The following USP34 variants were observed in gnomAD, a reference collection of about 807,000 sequenced individuals.
USP34 encodes the protein ubiquitin specific peptidase 34.
Under a neutral mutation model 460.3 loss-of-function variants are expected in USP34, and 70 were observed. The observed-to-expected ratio is 0.15, with a 90% confidence interval of 0.13 to 0.19. USP34 has a LOEUF of 0.19. Among genes scored for constraint, USP34 ranks in the 10% least tolerant of loss-of-function variants. The pLI is 1.00. For missense variants in USP34, 3,985 were observed against 4,236.2 expected (o/e 0.94, Z 1.65); for synonymous variants, 1,647 against 1,405.3 (o/e 1.17, Z -3.85).
intron 1 of USP34, among the ~76,000 whole-genome samples, chr2:61,430,914 G>C (rs1345273787): frequency 6.6e-6 from 1 of 152,104 alleles, no homozygotes; most frequent in Non-Finnish European, 1.5e-5. Flanking sequence ...TGAGAAGAGA[G>C]GATCACTTGA....
At chr2:61,300,809 AAAAAAAAAATG>A (rs1279269267) in intron 29 of USP34, 131 bp downstream of exon 29, 5 of 443,524 alleles carry the variant, frequency 1.1e-5, no homozygotes, top group Non-Finnish European at 1.8e-5. Flanking sequence ...AAAAGAAAAC[AAAAAAAAAATG>A]AACAAAAAAA....
At position 61,227,110 on chromosome 2, in the gene USP34, T is replaced by C. The variant is rs1429145703; in HGVS notation, c.7552A>G (p.Ile2518Val). 2.0e-5 allele frequency: 32 copies of C among 1,613,552 alleles called. No individual in the cohort carries two copies. The highest frequency in any genetic ancestry group is 2.6e-5 in the Non-Finnish European group (31 of 1,179,926). ...TCAACCAAAAGAGCAACTAAAGCTA[T>C]CATCTTTTCAAGGGCAGCTGGCCTG... ...KYRPAALEKM[I>V]ALVALLVEQS... Residue 2518 changes from isoleucine (I) to valine (V), a missense_variant, in exon 62 of 80, where the codon ATA (isoleucine) becomes GTA (valine). Physicochemically the swap from Ile to Val is conservative, Grantham distance 29. Around this residue, in one of 14 missense-constraint regions of USP34, gnomAD observed 604 missense variants for 684.8 expected, o/e 0.88. Transcript: ENST00000398571.
At chr2:61,327,153 A>G (rs1691121563) in intron 20 of USP34, among the ~76,000 whole-genome samples, 1 of 152,142 alleles carries the variant, frequency 6.6e-6, no homozygotes, top group Non-Finnish European at 1.5e-5. Flanking sequence ...TCCCAAAATT[A>G]GCTTCCCAAA....
At chr2:61,304,813 T>C (rs773686712) in intron 27 of USP34, among the ~76,000 whole-genome samples, 4 of 152,242 alleles carry the variant, frequency 2.6e-5, no homozygotes, top group South Asian at 2.1e-4. Context: ...GATTTTATAA[T>C]ACATTGAGCT....
In USP34 at chr2:61,244,732, G is replaced by A. The variant is rs374831002; in HGVS notation, c.6627+478C>T. ...GCTGGTGTTATAAAAAGCACTGAAA[G>A]AACAATCCTTTAAAACTTAGCTCAA... On this transcript the variant is annotated intron_variant, in intron 51 of 79. Coordinates refer to ENST00000398571, the MANE Select transcript of USP34 (RefSeq NM_014709.4). 1.1e-3 allele frequency among the ~76,000 whole-genome samples: 172 copies of A among 151,980 alleles called. 7 individuals carry two copies. The South Asian group carries it at 0.033, about 30-fold the overall frequency.
At chr2:61,270,323 A>G (rs1269530096) in intron 41 of USP34, among the ~76,000 whole-genome samples, 1 of 152,254 alleles carries the variant, frequency 6.6e-6, no homozygotes, top group Admixed American at 6.5e-5. Context: ...TGAATCAAAA[A>G]GTAGGCCTTC....
intron 1 of USP34, among the ~76,000 whole-genome samples, chr2:61,434,680 C>T (rs1042866478): frequency 2.6e-5 from 4 of 151,988 alleles, no homozygotes; most frequent in Non-Finnish European, 5.9e-5. Flanking sequence ...TGTGTCCACA[C>T]AGAACCAAGG....
Position 61,348,282 on chromosome 2 carries a change from C to T in USP34, c.1873G>A (p.Glu625Lys), listed in dbSNP as rs1341320237. ...ADIEALKEED[E>K]DDDHGHNPPK... ...GGATTATGACCATGATCATCGTCTTCATCTTCCTCTTTGAGGGCTTCAATA... is the reference window on the plus strand; with the variant it reads ...GGATTATGACCATGATCATCGTCTTTATCTTCCTCTTTGAGGGCTTCAATA... The change falls in exon 15 of 80, where the codon GAA (glutamate) becomes AAA (lysine). Residue 625 changes from glutamate (E) to lysine (K), a missense_variant. Transcript: ENST00000398571. 1 of 1,614,110 alleles carries T rather than the reference C, an allele frequency of 6.2e-7. No individual in the cohort carries two copies. Among genetic ancestry groups the T allele is most frequent in the Non-Finnish European group, 8.5e-7 (1 of 1,180,050 alleles).
At chr2:61,203,042 A>G in intron 75 of USP34, 98 bp downstream of exon 75, 1 of 1,297,152 alleles carries the variant, frequency 7.7e-7, no homozygotes, top group African/African-American at 1.5e-5. Context: ...ACTTTAAAAA[A>G]AGAAAAAAAG....
intron 3 of USP34, among the ~76,000 whole-genome samples, chr2:61,405,239 A>T (rs1347065949): frequency 2.6e-5 from 2 of 76,794 alleles, no homozygotes; most frequent in East Asian, 7.8e-4. Flanking sequence ...TCTCAAAAAA[A>T]AAAAAAAAAA....
At chr2:61,415,137 G>C (rs563361094) in intron 2 of USP34, among the ~76,000 whole-genome samples, 1 of 152,116 alleles carries the variant, frequency 6.6e-6, no homozygotes, top group East Asian at 1.9e-4. Flanking sequence ...TTGGCCTTAG[G>C]TTCCCTGCCT....
chr2:61,424,737 A>G (rs1694460988), intron 1 of USP34, among the ~76,000 whole-genome samples: 1 of 152,096 alleles, frequency 6.6e-6, no homozygotes, highest in Admixed American at 6.6e-5. Flanking sequence ...CCAACAGTAA[A>G]TTTTATGTTC....
chr2:61,393,224 A>G lies in USP34; in HGVS notation c.753+1629T>C, dbSNP rs191288381. Among the ~76,000 whole-genome samples, 417 of 152,274 alleles carry G rather than the reference A, an allele frequency of 2.7e-3. 1 individual carries two copies. The highest frequency in any genetic ancestry group is 9.3e-3 in the African/African-American group (388 of 41,566). On this transcript the variant is annotated intron_variant, in intron 5 of 79. Coordinates refer to ENST00000398571, the MANE Select transcript of USP34 (RefSeq NM_014709.4). Reference sequence around the variant, plus strand: ...GGCAGGAGGATCACCTGAGGTTAGGAGTTTGAGACCAGCCTAGCCAACATG... The same window carrying G: ...GGCAGGAGGATCACCTGAGGTTAGGGGTTTGAGACCAGCCTAGCCAACATG...
chr2:61,344,737 G>A (rs929099910), intron 15 of USP34, among the ~76,000 whole-genome samples: 3 of 152,142 alleles, frequency 2.0e-5, no homozygotes, highest in African/African-American at 4.8e-5. Context: ...TCTTCATCAT[G>A]AGCTGTGCTG....
chr2:61,445,814 G>A (rs1468256810), intron 1 of USP34, among the ~76,000 whole-genome samples: 1 of 151,998 alleles, frequency 6.6e-6, no homozygotes, highest in African/African-American at 2.4e-5. Context: ...CAGGCGTGGT[G>A]CTATGCACGT....
At chr2:61,224,558 T>G (rs1468191909) in intron 62 of USP34, among the ~76,000 whole-genome samples, 1 of 152,232 alleles carries the variant, frequency 6.6e-6, no homozygotes, top group Non-Finnish European at 1.5e-5. Context: ...ATTAATTAGC[T>G]TGAATACATA....
chr2:61,328,798 T>C (rs539602047), intron 20 of USP34, among the ~76,000 whole-genome samples: 16 of 152,368 alleles, frequency 1.1e-4, no homozygotes, highest in African/African-American at 3.4e-4. Flanking sequence ...ATACTTAACG[T>C]TGGACTTTCT....
rs960314038 is a variant in USP34, at chr2:61,275,442, C to T, written c.5433+2723G>A. ...GAACAGCCTGGGCAACACAGCAAAACCCCATCTCTACAAAAATAAATAAAT... is the reference window on the plus strand; with the variant it reads ...GAACAGCCTGGGCAACACAGCAAAATCCCATCTCTACAAAAATAAATAAAT... On this transcript the variant is annotated intron_variant, in intron 41 of 79. Coordinates refer to ENST00000398571, the MANE Select transcript of USP34 (RefSeq NM_014709.4). Among the ~76,000 whole-genome samples the T allele has an allele frequency of 2.0e-5, 3 of 151,944 alleles. No homozygotes were observed. The South Asian group carries it at 6.2e-4, about 31-fold the overall frequency.
At chr2:61,378,923 A>AAC (rs1558559668) in intron 7 of USP34, among the ~76,000 whole-genome samples, 2 of 148,636 alleles carry the variant, frequency 1.3e-5, no homozygotes, top group African/African-American at 4.9e-5. Context: ...GAAAAAAAAA[A>AAC]AAAAAAAAAA....
Sources: allele counts gnomAD v4.1 joint callset (sites outside exome capture counted in the v4.1 genomes callset), GRCh38; gene constraint gnomAD v4.1.1; regional missense constraint gnomAD v4.1.1; transcripts MANE v1.5; gene names NCBI Gene and HGNC (gene_info 2026-07-23, HGNC 2026-07-21).